BTBD8: variants seen among roughly 807,000 people sequenced by gnomAD.
BTBD8 encodes the protein BTB domain containing 8.
Under a neutral mutation model 162.9 loss-of-function variants are expected in BTBD8, and 110 were observed. The observed-to-expected ratio is 0.68, with a 90% CI of 0.58 to 0.79. The LOEUF (loss-of-function observed/expected upper bound fraction) is 0.79. BTBD8 is among the 30% of genes least tolerant of loss of function. The probability of loss-of-function intolerance (pLI) is 0.00; values close to 1 mark genes in which losing one functional copy is unlikely to be tolerated. For missense variants in BTBD8, 1,905 were observed against 2,085.4 expected (o/e 0.91, Z 1.68); for synonymous variants, 667 against 716.1 (o/e 0.93, Z 1.10).
chr1:92,106,129 G>A (rs188443082), intron 3 of BTBD8, among the ~76,000 whole-genome samples: 5 of 152,290 alleles, frequency 3.3e-5, no homozygotes, highest in Admixed American at 6.5e-5. Context: ...AAAACCTTGG[G>A]CATTGATGCC....
At chr1:92,131,740 C>A (rs947733060) in intron 5 of BTBD8, among the ~76,000 whole-genome samples, 11 of 146,750 alleles carry the variant, frequency 7.5e-5, no homozygotes, top group Non-Finnish European at 1.2e-4. Flanking sequence ...AAAAAAAAAA[C>A]CACACACATT....
At chr1:92,178,058 A>G (rs1650773301) in intron 15 of BTBD8, among the ~76,000 whole-genome samples, 160 bp downstream of exon 15, 1 of 152,152 alleles carries the variant, frequency 6.6e-6, no homozygotes, top group Non-Finnish European at 1.5e-5. Flanking sequence ...AGAAATTAGT[A>G]TATGCAAAAT....
intron 4 of BTBD8, chr1:92,126,133 C>T: frequency 2.0e-6 from 1 of 495,308 alleles, no homozygotes; most frequent in Non-Finnish European, 4.0e-6. Context: ...GTAGCTGATA[C>T]ATGGGAACCA....
rs1279864376 is a variant in BTBD8 at position 92,184,287 on chromosome 1, C to T, written c.5336C>T (p.Pro1779Leu). 1 of 1,551,274 alleles carries T rather than the reference C, an allele frequency of 6.4e-7. No homozygotes were observed. The highest frequency in any genetic ancestry group is 8.7e-7 in the Non-Finnish European group (1 of 1,146,764). ...MASFSSEDCS[P>L]QGEWTILELE... ...AGTTTTTCCTCTGAAGATTGTTCGC[C>T]TCAAGGCGAGTGGACAATTCTGGAA... The change falls in exon 18 of 18, where the codon CCT (proline) becomes CTT (leucine). Residue 1779 changes from proline (P) to leucine (L), a missense_variant. Around this residue, in one of 3 missense-constraint regions of BTBD8, gnomAD observed 517 missense variants for 606.6 expected, o/e 0.85. Transcript: ENST00000636805.
intron 7 of BTBD8, among the ~76,000 whole-genome samples, chr1:92,144,425 A>T (rs2100632058): frequency 6.6e-6 from 1 of 152,250 alleles, no homozygotes; most frequent in Admixed American, 6.5e-5. Flanking sequence ...TTAGCTTCAC[A>T]ATCCTGCCTT....
chr1:92,139,819 T>G (rs1263914460), intron 6 of BTBD8: 2 of 160,678 alleles, frequency 1.2e-5, no homozygotes, highest in Non-Finnish European at 2.6e-5. Flanking sequence ...CTGGGTGCGG[T>G]GGCTCTCGCC....
At chr1:92,091,486 T>C (rs1400174785) in intron 2 of BTBD8, among the ~76,000 whole-genome samples, 2 of 152,112 alleles carry the variant, frequency 1.3e-5, no homozygotes, top group African/African-American at 4.8e-5. Flanking sequence ...TGTGTGTATG[T>C]ATATATTTTT....
intron 9 of BTBD8, among the ~76,000 whole-genome samples, chr1:92,154,738 A>G (rs900452376): frequency 8.6e-5 from 13 of 152,010 alleles, no homozygotes; most frequent in African/African-American, 3.1e-4. Flanking sequence ...GATTTTTTCA[A>G]TGTCTTGTTT....
chr1:92,155,870 T>G (rs1650148701), intron 9 of BTBD8, among the ~76,000 whole-genome samples: 1 of 152,172 alleles, frequency 6.6e-6, no homozygotes, highest in African/African-American at 2.4e-5. Context: ...TTATGTTATC[T>G]GCAAGCAGGG....
rs117933194 is a variant in BTBD8 at position 92,082,957 on chromosome 1, T to A, written c.149+2237T>A. 2.6e-4 allele frequency among the ~76,000 whole-genome samples: 39 copies of A among 152,278 alleles called. No homozygotes were observed. The East Asian group carries it at 7.3e-3, about 29-fold the overall frequency. On this transcript the variant is annotated intron_variant, in intron 1 of 17. Transcript: ENST00000636805. ...GAATCCTGTGAGGTAAGTCTTGTTA[T>A]TCTCATTTAACACAAGAGGAAACTG...
At chr1:92,119,279 CT>C (rs1649127541) in intron 4 of BTBD8, among the ~76,000 whole-genome samples, 1 of 146,420 alleles carries the variant, frequency 6.8e-6, no homozygotes, top group African/African-American at 2.5e-5. Context: ...AAATTTTTTT[CT>C]TTTTTTCTTT....
intron 9 of BTBD8, among the ~76,000 whole-genome samples, chr1:92,163,271 C>T (rs1024553158): frequency 2.2e-5 from 3 of 133,624 alleles, no homozygotes; most frequent in African/African-American, 5.6e-5. Flanking sequence ...AGGAGAATGG[C>T]GTGAACCCGG....
At position 92,102,639 on chromosome 1, in the gene BTBD8, A is replaced by G; in HGVS notation, c.514A>G (p.Ser172Gly). 6.6e-7 allele frequency: 1 copy of G among 1,505,664 alleles called. No individual in the cohort carries two copies. Among genetic ancestry groups the G allele is most frequent in the Non-Finnish European group, 8.9e-7 (1 of 1,126,376 alleles). 93.3% of individuals were successfully genotyped at this position (1,505,664 alleles called of 1,614,324 possible). A position where few individuals can be genotyped will look rare whatever the true frequency, so the allele number is the denominator to read the frequency against. Reference sequence around the variant, plus strand: ...GAAGCATGAAATTCCAGAGGATATCAGTGACAGAGATGATGATTTCATTTC... The same window carrying G: ...GAAGCATGAAATTCCAGAGGATATCGGTGACAGAGATGATGATTTCATTTC... Reference protein sequence around the residue: ...LQKHEIPEDISDRDDDFISND... With the variant: ...LQKHEIPEDIGDRDDDFISND... The change falls in exon 3 of 18, where the codon AGT (serine) becomes GGT (glycine). Residue 172 changes from serine (S) to glycine (G), a missense_variant. Around this residue, in one of 3 missense-constraint regions of BTBD8, gnomAD observed 1,374 missense variants for 1,442.7 expected, o/e 0.95. Coordinates refer to ENST00000636805, the MANE Select transcript of BTBD8 (RefSeq NM_001376131.1).
intron 1 of BTBD8, among the ~76,000 whole-genome samples, chr1:92,081,975 A>T (rs1179378285): frequency 6.6e-6 from 1 of 152,188 alleles, no homozygotes; most frequent in Non-Finnish European, 1.5e-5. Flanking sequence ...AAATCCCTTT[A>T]ATTTGGGACT....
chr1:92,177,984 AAT>A, intron 15 of BTBD8, 86 bp downstream of exon 15: 1 of 647,940 alleles, frequency 1.5e-6, no homozygotes, highest in Non-Finnish European at 2.6e-6. Flanking sequence ...ATATTTTTAA[AAT>A]ATCTTTTATT....
In BTBD8 at chr1:92,166,984, G is replaced by T; in HGVS notation, c.1149G>T (p.Leu383=). 1 of 1,547,900 alleles carries T rather than the reference G, an allele frequency of 6.5e-7. No individual in the cohort carries two copies. Among genetic ancestry groups the T allele is most frequent in the Non-Finnish European group, 8.7e-7 (1 of 1,145,594 alleles). ...SLNDKNAAFL[L]MESDRLIISL... ...ATGATAAGAATGCTGCTTTTCTTCT[G>T]ATGGAAAGTGACAGGCTAATCATCA... The change falls in exon 10 of 18, where the codon CTG becomes CTT. Residue 383 remains leucine, a synonymous_variant. Coordinates refer to ENST00000636805, the MANE Select transcript of BTBD8 (RefSeq NM_001376131.1).
chr1:92,177,723 T>G (rs1413967292), intron 14 of BTBD8, 88 bp from the exon 15 acceptor site: 2 of 890,114 alleles, frequency 2.2e-6, no homozygotes, highest in Admixed American at 5.1e-5. Flanking sequence ...ATATTTCATT[T>G]TGTTTATAGT....
intron 9 of BTBD8, among the ~76,000 whole-genome samples, chr1:92,158,653 T>C (rs1026472085): frequency 6.6e-6 from 1 of 152,230 alleles, no homozygotes; most frequent in Admixed American, 6.5e-5. Context: ...GTAACAAATA[T>C]ACCACTCTAG....
chr1:92,140,507 A>G (rs1649752014), intron 6 of BTBD8, among the ~76,000 whole-genome samples: 1 of 152,194 alleles, frequency 6.6e-6, no homozygotes, highest in South Asian at 2.1e-4. Context: ...CATGTTTTTC[A>G]GGAGAACATA....
Sources: gnomAD v4.1 joint callset for allele counts (sites outside exome capture counted in the v4.1 genomes callset) on GRCh38, gnomAD v4.1.1 for gene constraint, gnomAD v4.1.1 regional missense constraint, MANE v1.5 for transcripts, NCBI Gene and HGNC (gene_info 2026-07-23, HGNC 2026-07-21) for gene names.